The following RASEF variants were observed in gnomAD, a reference collection of about 807,000 sequenced individuals.
RASEF encodes ras and EF-hand domain-containing protein.
A neutral mutation model predicts 90.1 loss-of-function variants in RASEF; 68 were observed. That is an observed-to-expected ratio of 0.75 (90% CI 0.62 to 0.92). The LOEUF is 0.92. RASEF is among the 40% of genes least tolerant of loss of function. RASEF has a pLI of 0.00. For synonymous variants in RASEF, 331 were observed against 345.2 expected, an observed-to-expected ratio of 0.96 and a Z score of 0.46; for missense variants, 949 against 937.2, an observed-to-expected ratio of 1.01 and a Z score of -0.16.
the RASEF span, among the ~76,000 whole-genome samples, chr9:83,194,286 T>C: frequency 6.6e-6 from 1 of 152,360 alleles, no homozygotes; most frequent in South Asian, 2.1e-4. Flanking sequence ...CATGCTTTTC[T>C]TGTTTTTCAT....
chr9:82,982,797 G>T lies in RASEF; in HGVS notation c.2118-15C>A. The T allele has an allele frequency of 8.2e-7, 1 of 1,217,450 alleles. No homozygotes were observed. The highest frequency in any genetic ancestry group is 1.2e-6 in the Non-Finnish European group (1 of 841,058). 75.4% of individuals were successfully genotyped at this position (1,217,450 alleles called of 1,614,324 possible). A position where few individuals can be genotyped will look rare whatever the true frequency, so the allele number is the denominator to read the frequency against. ...TTTTCACTTCTCTGAGACAGAGATAGAGAGAGACAGAGAGAGAGAGAGAGA... is the reference window on the plus strand; with the variant it reads ...TTTTCACTTCTCTGAGACAGAGATATAGAGAGACAGAGAGAGAGAGAGAGA... On this transcript the variant is annotated splice_polypyrimidine_tract_variant and intron_variant, in intron 16 of 16. Transcript: ENST00000376447.
chr9:83,133,458 A>G, the RASEF span, among the ~76,000 whole-genome samples: 10 of 152,204 alleles, frequency 6.6e-5, no homozygotes, highest in African/African-American at 2.2e-4. Flanking sequence ...CTGATTTGAT[A>G]AAAGAACAGG....
the RASEF span, among the ~76,000 whole-genome samples, chr9:83,144,222 A>G: frequency 6.6e-6 from 1 of 151,216 alleles, no homozygotes; most frequent in African/African-American, 2.4e-5. Context: ...AAAATTATCT[A>G]TTGGGTACCA....
At chr9:82,993,883 A>G (rs1828859558) in intron 14 of RASEF, among the ~76,000 whole-genome samples, 1 of 152,234 alleles carries the variant, frequency 6.6e-6, no homozygotes, top group Non-Finnish European at 1.5e-5. Context: ...CCTTGTCTGT[A>G]AAATGAAGGA....
the RASEF span, among the ~76,000 whole-genome samples, chr9:83,124,935 C>A: frequency 6.6e-6 from 1 of 152,074 alleles, no homozygotes; most frequent in Non-Finnish European, 1.5e-5. Context: ...AAAGCCAAGC[C>A]GAGGTGTTAT....
intron 1 of RASEF, among the ~76,000 whole-genome samples, chr9:83,029,215 A>G (rs1829598895): frequency 6.6e-6 from 1 of 152,140 alleles, no homozygotes. Context: ...CAACCATAAA[A>G]TCATACTGCT....
the RASEF span, among the ~76,000 whole-genome samples, chr9:83,155,627 C>A: frequency 5.9e-5 from 9 of 151,812 alleles, no homozygotes; most frequent in Admixed American, 5.9e-4. Context: ...CACAGCCAAA[C>A]CATATCATTG....
intron 1 of RASEF, among the ~76,000 whole-genome samples, chr9:83,040,060 C>T (rs111240746): frequency 2.0e-5 from 3 of 151,986 alleles, no homozygotes; most frequent in South Asian, 2.1e-4. Flanking sequence ...TATAAAGGGC[C>T]GTTCCCCTAC....
chr9:83,048,488 T>A lies in RASEF; in HGVS notation c.431+13949A>T, dbSNP rs1040213454. The A allele has an allele frequency of 1.4e-5, 14 of 985,094 alleles. No individual in the cohort carries two copies. The East Asian group carries it at 1.6e-3, about 112-fold the overall frequency. 61.0% of individuals were successfully genotyped at this position (985,094 alleles called of 1,614,324 possible). On this transcript the variant is annotated intron_variant, in intron 1 of 16. Coordinates refer to ENST00000376447, the MANE Select transcript of RASEF (RefSeq NM_152573.4). ...TGGACTTTTGGCAGGAGACTATTTC[T>A]AAGTACTCAGTGCCTCGTGCAGTCC...
At chr9:83,062,149 G>T (rs567664297) in intron 1 of RASEF, among the ~76,000 whole-genome samples, 72 of 152,316 alleles carry the variant, frequency 4.7e-4, no homozygotes, top group South Asian at 4.1e-3. Flanking sequence ...AACTCGCGCG[G>T]GGCGCCAGCA....
At chr9:83,209,556 T>G in the RASEF span, among the ~76,000 whole-genome samples, 1 of 152,110 alleles carries the variant, frequency 6.6e-6, no homozygotes, top group Non-Finnish European at 1.5e-5. Flanking sequence ...GTGGAGCGAG[T>G]CACAGTTGCT....
chr9:83,097,705 C>T, the RASEF span, among the ~76,000 whole-genome samples: 1 of 152,180 alleles, frequency 6.6e-6, no homozygotes, highest in Non-Finnish European at 1.5e-5. Flanking sequence ...CAATGAGATA[C>T]CATCTCACAC....
chr9:83,203,713 A>G, the RASEF span, among the ~76,000 whole-genome samples: 123 of 152,222 alleles, frequency 8.1e-4, no homozygotes, highest in Non-Finnish European at 9.1e-4. Flanking sequence ...AGATCTGAAG[A>G]GTGAGTATCA....
In RASEF at chr9:83,062,913, C is replaced by T; in HGVS notation, c.-46G>A. On this transcript the variant is annotated 5_prime_UTR_variant, in exon 1 of 17. Coordinates refer to ENST00000376447, the MANE Select transcript of RASEF (RefSeq NM_152573.4). ...GAGAGGGCTCCGGAGCGCCGCGGGG[C>T]GCAGGGCCCTCCCTGGAAGGACGGG... The T allele has an allele frequency of 8.6e-6, 12 of 1,389,396 alleles. No individual in the cohort carries two copies. Among genetic ancestry groups the T allele is most frequent in the South Asian group, 1.7e-5 (1 of 60,466 alleles). The allele number at this position is 1,389,396 out of a possible 1,614,324, so 86.1% of individuals were successfully genotyped here. A position where few individuals can be genotyped will look rare whatever the true frequency, so the allele number is the denominator to read the frequency against.
chr9:83,181,807 A>G, the RASEF span, among the ~76,000 whole-genome samples: 1 of 152,192 alleles, frequency 6.6e-6, no homozygotes, highest in Non-Finnish European at 1.5e-5. Context: ...GTTTAGGAAA[A>G]AGTAGGGAGT....
At chr9:83,122,632 C>T in the RASEF span, among the ~76,000 whole-genome samples, 1 of 151,934 alleles carries the variant, frequency 6.6e-6, no homozygotes, top group African/African-American at 2.4e-5. Flanking sequence ...ATTATGTAGC[C>T]ATTAAAAATT....
intron 1 of RASEF, among the ~76,000 whole-genome samples, chr9:83,044,320 C>T (rs186569987): frequency 1.4e-4 from 22 of 152,236 alleles, no homozygotes; most frequent in African/African-American, 5.1e-4. Flanking sequence ...GCTTGCTGGA[C>T]GGCTATGGCT....
the RASEF span, among the ~76,000 whole-genome samples, chr9:83,141,648 A>C: frequency 6.6e-6 from 1 of 152,190 alleles, no homozygotes; most frequent in South Asian, 2.1e-4. Flanking sequence ...CTCGGTACTC[A>C]CCAAGGTCTG....
At chr9:82,988,643 A>G (rs1828757105) in intron 16 of RASEF, among the ~76,000 whole-genome samples, 1 of 151,764 alleles carries the variant, frequency 6.6e-6, no homozygotes, top group Admixed American at 6.6e-5. Context: ...TTCACAGGAG[A>G]TCTGGTTGTT....
Sources: allele counts gnomAD v4.1 joint callset (sites outside exome capture counted in the v4.1 genomes callset), GRCh38; gene constraint gnomAD v4.1.1; transcripts MANE v1.5; gene names NCBI Gene and HGNC (gene_info 2026-07-23, HGNC 2026-07-21).